COL5A2: variants seen among roughly 807,000 people sequenced by gnomAD.
COL5A2 encodes the protein collagen type V alpha 2 chain.
Under a neutral mutation model 208.2 loss-of-function variants are expected in COL5A2, and 23 were observed. The ratio of observed to expected loss-of-function variants is 0.11; its 90% CI spans 0.08 to 0.16. The LOEUF (loss-of-function observed/expected upper bound fraction) is 0.16, where lower values mean the gene tolerates loss of function less well. Among genes scored for constraint, COL5A2 ranks in the 10% least tolerant of loss-of-function variants. COL5A2 has a pLI of 1.00. For missense variants in COL5A2, 1,590 were observed against 1,956.4 expected, an observed-to-expected ratio of 0.81 and a Z score of 3.53; for synonymous variants, 625 against 628.5, an observed-to-expected ratio of 0.99 and a Z score of 0.08.
the COL5A2 span, among the ~76,000 whole-genome samples, chr2:189,281,676 T>A: frequency 2.6e-5 from 4 of 152,306 alleles, no homozygotes; most frequent in African/African-American, 9.6e-5. Flanking sequence ...TAAAAATTAA[T>A]TCATTTAACA....
chr2:189,222,692 C>T lies in COL5A2; in HGVS notation c.-42+2456G>A, dbSNP rs183239663. Among the ~76,000 whole-genome samples, 75 of 152,238 alleles carry T rather than the reference C, an allele frequency of 4.9e-4. No individual in the cohort carries two copies. In the East Asian group the frequency reaches 9.7e-3, roughly 20 times the overall value. On this transcript the variant is annotated intron_variant, in intron 1 of 10. Coordinates refer to the COL5A2 transcript ENST00000649966. ...AGAAAGCACTTAAGGGCTTGACTCCCGGCCATTGGACTTTGGCCAAGGCAA... is the reference window on the plus strand; with the variant it reads ...AGAAAGCACTTAAGGGCTTGACTCCTGGCCATTGGACTTTGGCCAAGGCAA...
the COL5A2 span, among the ~76,000 whole-genome samples, chr2:189,431,009 A>G: frequency 6.6e-6 from 1 of 152,204 alleles, no homozygotes; most frequent in South Asian, 2.1e-4. Context: ...CTATTCTGCA[A>G]TATTTGCTGT....
At chr2:189,049,480 C>T (rs1404529059) in intron 43 of COL5A2, 26 bp from the exon 44 acceptor site, 1 of 1,574,108 alleles carries the variant, frequency 6.4e-7, no homozygotes, top group Non-Finnish European at 8.7e-7. Flanking sequence ...AAATGTCAAA[C>T]ACTTGTGAAG....
the COL5A2 span, among the ~76,000 whole-genome samples, chr2:189,415,625 T>C: frequency 6.6e-6 from 1 of 152,204 alleles, no homozygotes; most frequent in Non-Finnish European, 1.5e-5. Context: ...TCATAACATG[T>C]CCATAAAATA....
upstream of COL5A2, among the ~76,000 whole-genome samples, chr2:189,183,050 C>T (rs1027059350): frequency 6.6e-6 from 1 of 152,210 alleles, no homozygotes; most frequent in Non-Finnish European, 1.5e-5. Context: ...CTTAACCCCA[C>T]ATCTTCTGTG....
intron 22 of COL5A2, 103 bp downstream of exon 22, chr2:189,066,626 G>C: frequency 7.5e-7 from 1 of 1,332,790 alleles, no homozygotes; most frequent in Middle Eastern, 1.8e-4. Flanking sequence ...TTCATCTCAA[G>C]CTATTATAAT....
At chr2:189,407,572 C>T in the COL5A2 span, among the ~76,000 whole-genome samples, 3 of 152,174 alleles carry the variant, frequency 2.0e-5, no homozygotes, top group East Asian at 5.8e-4. Context: ...CTCTTTCTGC[C>T]TTTGAAAAAA....
chr2:189,128,475 G>C (rs1687649819), intron 1 of COL5A2, among the ~76,000 whole-genome samples: 1 of 151,922 alleles, frequency 6.6e-6, no homozygotes, highest in South Asian at 2.1e-4. Flanking sequence ...TCATATTGAA[G>C]AGTTTGTTGT....
the COL5A2 span, among the ~76,000 whole-genome samples, chr2:189,256,579 G>C: frequency 2.1e-4 from 32 of 152,292 alleles, no homozygotes; most frequent in African/African-American, 7.7e-4. Context: ...GGTGGGTAAG[G>C]CTGGCTAATT....
rs183500455 is a variant in COL5A2, at chr2:189,098,390, C to T, written c.402+337G>A. Among the ~76,000 whole-genome samples the T allele has an allele frequency of 4.4e-3, 672 of 152,302 alleles. 3 individuals carry two copies. The highest frequency in any genetic ancestry group is 0.013 in the South Asian group (62 of 4,830). On this transcript the variant is annotated intron_variant, in intron 5 of 53. Coordinates refer to ENST00000374866, the MANE Select transcript of COL5A2 (RefSeq NM_000393.5). ...TATTAAGCAGATAAAACTAGCCTACCATTAATCATAGTCAAACAACACACA... is the reference window on the plus strand; with the variant it reads ...TATTAAGCAGATAAAACTAGCCTACTATTAATCATAGTCAAACAACACACA...
chr2:189,212,410 G>A (rs1689225025), intron 1 of COL5A2, among the ~76,000 whole-genome samples: 1 of 152,068 alleles, frequency 6.6e-6, no homozygotes, highest in African/African-American at 2.4e-5. Flanking sequence ...GGCAGAGGTG[G>A]GCTGATCAAC....
chr2:189,251,096 G>T, the COL5A2 span, among the ~76,000 whole-genome samples: 1 of 152,070 alleles, frequency 6.6e-6, no homozygotes, highest in Non-Finnish European at 1.5e-5. Flanking sequence ...GTGAGCAAGT[G>T]TAGAAACAGC....
the COL5A2 span, among the ~76,000 whole-genome samples, chr2:189,318,593 C>T: frequency 6.6e-6 from 1 of 152,194 alleles, no homozygotes; most frequent in African/African-American, 2.4e-5. Flanking sequence ...CCACAAACTC[C>T]TCCAATTAAT....
chr2:189,329,786 T>C, the COL5A2 span, among the ~76,000 whole-genome samples: 1 of 152,162 alleles, frequency 6.6e-6, no homozygotes, highest in Non-Finnish European at 1.5e-5. Flanking sequence ...AAATAAAATA[T>C]CTTTCAAACA....
chr2:189,062,893 A>G lies in COL5A2; in HGVS notation c.1949T>C (p.Val650Ala). The G allele has an allele frequency of 6.2e-7, 1 of 1,614,136 alleles. No individual in the cohort carries two copies. The highest frequency in any genetic ancestry group is 1.1e-5 in the South Asian group (1 of 91,086). Reference sequence around the variant, plus strand: ...CGGGCCCACAGGACCAGAAGGACCAACTTCACCATCTTTTCCAGGAGCTCC... The same window carrying G: ...CGGGCCCACAGGACCAGAAGGACCAGCTTCACCATCTTTTCCAGGAGCTCC... ...QRGAPGKDGEVGPSGPVGPPG... is the reference protein window; with the variant it reads ...QRGAPGKDGEAGPSGPVGPPG... Residue 650 changes from valine to alanine, a missense_variant, in exon 29 of 54, where the codon GTT becomes GCT. By Grantham distance (64) the Val-to-Ala change is moderately conservative (BLOSUM62 0). Coordinates refer to ENST00000374866, the MANE Select transcript of COL5A2 (RefSeq NM_000393.5).
rs143520447 is a variant in COL5A2 at position 189,158,926 on chromosome 2, C to A, written c.97+20582G>T. Reference sequence around the variant, plus strand: ...TTTGAAACTTCCCAAGGTCAGGAACCAAGGATTCTGCTTCTGAATTTCTTA... The same window carrying A: ...TTTGAAACTTCCCAAGGTCAGGAACAAAGGATTCTGCTTCTGAATTTCTTA... On this transcript the variant is annotated intron_variant, in intron 1 of 53. Coordinates refer to ENST00000374866, the MANE Select transcript of COL5A2 (RefSeq NM_000393.5). Among the ~76,000 whole-genome samples the A allele has an allele frequency of 1.1e-4, 16 of 152,160 alleles. 1 individual carries two copies. In the East Asian group the frequency reaches 3.1e-3, roughly 29 times the overall value.
chr2:189,327,414 G>A, the COL5A2 span, among the ~76,000 whole-genome samples: 1 of 152,042 alleles, frequency 6.6e-6, no homozygotes, highest in Admixed American at 6.6e-5. Context: ...GAGGAAAAGG[G>A]GGAGAAAGAA....
At chr2:189,125,820 C>T (rs952182977) in intron 1 of COL5A2, among the ~76,000 whole-genome samples, 1 of 151,956 alleles carries the variant, frequency 6.6e-6, no homozygotes, top group African/African-American at 2.4e-5. Flanking sequence ...AGGTTATTGG[C>T]GCCCATAACC....
At chr2:189,408,622 C>T in the COL5A2 span, among the ~76,000 whole-genome samples, 1 of 152,092 alleles carries the variant, frequency 6.6e-6, no homozygotes, top group Non-Finnish European at 1.5e-5. Context: ...ATTATATGTA[C>T]TAATTTATCT....
Sources: allele counts gnomAD v4.1 joint callset (sites outside exome capture counted in the v4.1 genomes callset), GRCh38; gene constraint gnomAD v4.1.1; transcripts MANE v1.5; gene names NCBI Gene and HGNC (gene_info 2026-07-23, HGNC 2026-07-21).